Variants in ACSM5 observed in about 807,000 individuals in gnomAD.
ACSM5 encodes acyl-coenzyme A synthetase ACSM5, mitochondrial.
ACSM5 carries 56 observed loss-of-function variants against 71.6 expected under a neutral mutation model. That is an observed-to-expected ratio of 0.78 (90% CI 0.63 to 0.98). The LOEUF (loss-of-function observed/expected upper bound fraction) is 0.98. Among genes scored for constraint, ACSM5 ranks in the 50% least tolerant of loss-of-function variants. The pLI is 0.00. For synonymous variants in ACSM5, 285 were observed against 281.5 expected, an observed-to-expected ratio of 1.01 and a Z score of -0.12; for missense variants, 723 against 726.0, an observed-to-expected ratio of 1.00 and a Z score of 0.05.
intron 10 of ACSM5, among the ~76,000 whole-genome samples, chr16:20,435,660 A>G (rs1967178045): frequency 6.6e-6 from 1 of 152,228 alleles, no homozygotes; most frequent in Admixed American, 6.5e-5. Context: ...GTTTGTCGTC[A>G]GTATATAATA....
rs191904657 is a variant in ACSM5 at position 20,433,221 on chromosome 16, G to T, written c.1308+1900G>T. Reference sequence around the variant, plus strand: ...TCTTCGTGAGAATCAGGAAACATGTGAAAATTATTATAGAGGATCTCAGAC... The same window carrying T: ...TCTTCGTGAGAATCAGGAAACATGTTAAAATTATTATAGAGGATCTCAGAC... On this transcript the variant is annotated intron_variant, in intron 10 of 13. Transcript: ENST00000331849. 1.9e-3 allele frequency among the ~76,000 whole-genome samples: 284 copies of T among 152,292 alleles called. 4 individuals are homozygous for T. The highest frequency in any genetic ancestry group is 0.014 in the Middle Eastern group (4 of 294).
At chr16:20,431,357 A>G in intron 10 of ACSM5, 36 bp downstream of exon 10, 5 of 1,518,112 alleles carry the variant, frequency 3.3e-6, no homozygotes, top group Non-Finnish European at 4.6e-6. Flanking sequence ...CATGACAGTG[A>G]CTGTGTGCTA....
Position 20,437,314 on chromosome 16 carries a change from C to T in ACSM5, c.1483C>T (p.Pro495Ser), listed in dbSNP as rs1967222545. 1 of 1,614,092 alleles carries T rather than the reference C, an allele frequency of 6.2e-7. No homozygotes were observed. The highest frequency in any genetic ancestry group is 8.5e-7 in the Non-Finnish European group (1 of 1,180,008). ...AGTGGAAAGTGCCCTGGCAGAGCATCCTGCTGTCCTGGAGTCGGCTGTGGT... is the reference window on the plus strand; with the variant it reads ...AGTGGAAAGTGCCCTGGCAGAGCATTCTGCTGTCCTGGAGTCGGCTGTGGT... ...VEVESALAEH[P>S]AVLESAVVSS... The change falls in exon 12 of 14, where the codon CCT becomes TCT. Residue 495 changes from proline to serine, a missense_variant. Pro to Ser is a moderately conservative substitution (Grantham distance 74). Coordinates refer to ENST00000331849, the MANE Select transcript of ACSM5 (RefSeq NM_017888.3).
intron 10 of ACSM5, among the ~76,000 whole-genome samples, chr16:20,436,143 C>G (rs1450336968): frequency 1.0e-5 from 1 of 98,286 alleles, no homozygotes; most frequent in Non-Finnish European, 1.9e-5. Context: ...CTTTCTTTTC[C>G]TTCTTCCCTC....
chr16:20,421,549 T>C (rs1008471090), intron 5 of ACSM5, 148 bp downstream of exon 5: 3 of 707,702 alleles, frequency 4.2e-6, no homozygotes, highest in Non-Finnish European at 5.9e-6. Context: ...AGGAAGGATC[T>C]TGATGGTTCT....
At chr16:20,428,046 T>G (rs1302357799) in intron 7 of ACSM5, among the ~76,000 whole-genome samples, 179 bp downstream of exon 7, 2 of 152,180 alleles carry the variant, frequency 1.3e-5, no homozygotes, top group Admixed American at 6.5e-5. Context: ...ACGTACACAT[T>G]GACAAGTCAA....
rs1408876683 is a variant in ACSM5, at chr16:20,422,214, C to T, written c.767+813C>T. 3.9e-5 allele frequency among the ~76,000 whole-genome samples: 6 copies of T among 152,238 alleles called. No individual in the cohort carries two copies. The East Asian group carries it at 1.2e-3, about 29-fold the overall frequency. On this transcript the variant is annotated intron_variant, in intron 5 of 13. Transcript: ENST00000331849. ...GCAACCTCTGCCTTCCAGTTTCAAG[C>T]AATTCTCCTGCCTCAGCCTCCCAGA...
intron 10 of ACSM5, among the ~76,000 whole-genome samples, chr16:20,435,930 CTTTT>C (rs1408770491): frequency 1.5e-5 from 2 of 136,168 alleles, no homozygotes; most frequent in South Asian, 2.6e-4. Context: ...TTCTTTCTTT[CTTTT>C]CTTTCCTTCC....
intron 2 of ACSM5, among the ~76,000 whole-genome samples, chr16:20,414,972 A>G (rs565533258): frequency 7.2e-5 from 11 of 152,326 alleles, no homozygotes; most frequent in Non-Finnish European, 1.3e-4. Flanking sequence ...AACTGAAGGA[A>G]AGTGGATCCT....
intron 10 of ACSM5, among the ~76,000 whole-genome samples, chr16:20,435,665 A>C (rs1420032461): frequency 2.6e-5 from 4 of 152,210 alleles, no homozygotes; most frequent in Non-Finnish European, 4.4e-5. Context: ...TCGTCAGTAT[A>C]TAATAATTTT....
intron 10 of ACSM5, among the ~76,000 whole-genome samples, chr16:20,432,847 CTTTTTTTTTTT>C (rs56853520): frequency 1.7e-5 from 1 of 57,610 alleles, no homozygotes; most frequent in Non-Finnish European, 3.2e-5. Context: ...CCAGATCATT[CTTTTTTTTTTT>C]TTTTTTTTTT....
At chr16:20,428,193 C>G (rs1326630945) in intron 7 of ACSM5, among the ~76,000 whole-genome samples, 2 of 152,220 alleles carry the variant, frequency 1.3e-5, no homozygotes, top group Non-Finnish European at 2.9e-5. Context: ...ACACCATACA[C>G]CCATGGGCTA....
intron 10 of ACSM5, among the ~76,000 whole-genome samples, chr16:20,436,114 C>CTTTCTT (rs772861871): frequency 1.3e-4 from 8 of 63,224 alleles, no homozygotes; most frequent in East Asian, 9.6e-4. Context: ...CTTTCTTTTT[C>CTTTCTT]TCTTTCTTTC....
intron 13 of ACSM5, 80 bp downstream of exon 13, chr16:20,439,999 G>A (rs1002357011): frequency 1.9e-6 from 3 of 1,567,350 alleles, no homozygotes; most frequent in African/African-American, 2.7e-5. Flanking sequence ...TCAGAGCCAG[G>A]CCCTGTGCCA....
intron 12 of ACSM5, among the ~76,000 whole-genome samples, chr16:20,438,980 T>A (rs8044331): frequency 3.9e-5 from 5 of 127,962 alleles, no homozygotes; most frequent in Admixed American, 7.9e-5. Context: ...AAAAAAAAAG[T>A]GTCCAACAAA....
At chr16:20,421,441 G>A in intron 5 of ACSM5, 40 bp downstream of exon 5, 1 of 1,518,954 alleles carries the variant, frequency 6.6e-7, no homozygotes, top group Non-Finnish European at 8.9e-7. Flanking sequence ...AGAACAGAAA[G>A]TGGGGAGTGG....
rs755149476 is a variant in ACSM5, at chr16:20,440,401, T to C, written c.1714T>C (p.Leu572=). Residue 572 remains leucine (L), a synonymous_variant, in exon 14 of 14, where the codon TTG becomes CTG. Transcript: ENST00000331849. ...TVSGKIQRSK[L]RSQEWGK ...TTCTGGAAAGATCCAAAGGAGTAAA[T>C]TGCGAAGTCAGGAGTGGGGGAAATG... 5 of 1,610,792 alleles carry C rather than the reference T, an allele frequency of 3.1e-6. No individual in the cohort carries two copies. Among genetic ancestry groups the C allele is most frequent in the Non-Finnish European group, 4.2e-6 (5 of 1,177,356 alleles).
Position 20,440,551 on chromosome 16 carries a change from C to A in ACSM5, c.*124C>A. The A allele has an allele frequency of 1.2e-6, 1 of 825,938 alleles. No homozygotes were observed. The allele number at this position is 825,938 out of a possible 1,614,324, so 51.2% of individuals were successfully genotyped here. On this transcript the variant is annotated 3_prime_UTR_variant, in exon 14 of 14. Coordinates refer to ENST00000331849, the MANE Select transcript of ACSM5 (RefSeq NM_017888.3). ...AAAGATGTCAAAGGTGTGCAGCTTC[C>A]AAACGGCATCCCCAGGATCACTGGG... is the stretch of plus-strand genomic sequence containing the variant.
At chr16:20,422,719 T>C (rs1469820887) in intron 5 of ACSM5, among the ~76,000 whole-genome samples, 1 of 152,164 alleles carries the variant, frequency 6.6e-6, no homozygotes, top group Non-Finnish European at 1.5e-5. Context: ...GTAAAGAAGA[T>C]GACCAGTGCA....
Sources: gnomAD v4.1 joint callset for allele counts (sites outside exome capture counted in the v4.1 genomes callset) on GRCh38, gnomAD v4.1.1 for gene constraint, MANE v1.5 for transcripts, NCBI Gene and HGNC (gene_info 2026-07-23, HGNC 2026-07-21) for gene names.